NKAIN3: variants seen among roughly 807,000 people sequenced by gnomAD.
NKAIN3 encodes sodium/potassium-transporting ATPase subunit beta-1-interacting protein 3.
In NKAIN3, 25 loss-of-function variants were observed where a neutral mutation model predicts 30.2. The observed-to-expected ratio is 0.83, with a 90% CI of 0.60 to 1.16. The LOEUF (loss-of-function observed/expected upper bound fraction) is 1.16. Among genes scored for constraint, NKAIN3 ranks in the 50% most tolerant of loss-of-function variants. The probability of loss-of-function intolerance (pLI) is 0.00; values close to 1 mark genes in which losing one functional copy is unlikely to be tolerated. For missense variants in NKAIN3, 225 were observed against 254.1 expected (o/e 0.89, Z 0.78); for synonymous variants, 91 against 89.6 (o/e 1.02, Z -0.09).
chr8:62,412,761 A>C (rs1804285770), intron 1 of NKAIN3, among the ~76,000 whole-genome samples: 1 of 151,560 alleles, frequency 6.6e-6, no homozygotes, highest in East Asian at 2.0e-4. Flanking sequence ...AAAATACAAA[A>C]ATTAGCCGAG....
intron 3 of NKAIN3, among the ~76,000 whole-genome samples, chr8:62,602,475 G>T (rs1354127574): frequency 6.6e-6 from 1 of 151,916 alleles, no homozygotes; most frequent in African/African-American, 2.4e-5. Flanking sequence ...TTATTTCTTT[G>T]AATAAACTGC....
intron 4 of NKAIN3, among the ~76,000 whole-genome samples, chr8:62,834,983 G>C (rs1819314515): frequency 6.6e-6 from 1 of 151,772 alleles, no homozygotes; most frequent in African/African-American, 2.4e-5. Flanking sequence ...AAAACAGACA[G>C]ACCAATGGAA....
intron 4 of NKAIN3, chr8:62,856,734 T>C: frequency 1.4e-6 from 1 of 695,144 alleles, no homozygotes; most frequent in Non-Finnish European, 2.6e-6. Context: ...CTTAAACTGG[T>C]CAAGCTCTAG....
intron 3 of NKAIN3, among the ~76,000 whole-genome samples, chr8:62,738,843 C>T (rs1815765008): frequency 6.6e-6 from 1 of 151,912 alleles, no homozygotes; most frequent in Non-Finnish European, 1.5e-5. Flanking sequence ...TAATTAGATC[C>T]CATTTGTCAA....
intron 4 of NKAIN3, among the ~76,000 whole-genome samples, chr8:62,903,109 A>C (rs780900460): frequency 6.6e-6 from 1 of 152,218 alleles, no homozygotes; most frequent in Non-Finnish European, 1.5e-5. Context: ...ACATAAGGGC[A>C]GTAAATCCCC....
rs1309470017 is a variant in NKAIN3 at position 62,412,822 on chromosome 8, G to A, written c.54+163695G>A. ...AGCTACTCGGGAGGCTGAGGTAGGA[G>A]AATCGCTTGAACCCAGGAGGTGAAG... On this transcript the variant is annotated intron_variant, in intron 1 of 6. Coordinates refer to ENST00000623646, the MANE Select transcript of NKAIN3 (RefSeq NM_001304533.3). 5.4e-5 allele frequency among the ~76,000 whole-genome samples: 8 copies of A among 147,060 alleles called. No homozygotes were observed. The Admixed American group carries it at 5.6e-4, about 10-fold the overall frequency.
At chr8:62,930,882 T>C (rs1822599001) in intron 5 of NKAIN3, among the ~76,000 whole-genome samples, 1 of 152,054 alleles carries the variant, frequency 6.6e-6, no homozygotes, top group Non-Finnish European at 1.5e-5. Flanking sequence ...TTTGTTTTTG[T>C]ATTTTTAGTA....
chr8:62,690,944 A>T (rs1563517999), intron 3 of NKAIN3, among the ~76,000 whole-genome samples: 1 of 152,142 alleles, frequency 6.6e-6, no homozygotes, highest in Non-Finnish European at 1.5e-5. Context: ...GATACTTTAG[A>T]TCCTGAGCAG....
At chr8:62,803,372 C>T (rs578257884) in intron 4 of NKAIN3, among the ~76,000 whole-genome samples, 9 of 152,208 alleles carry the variant, frequency 5.9e-5, no homozygotes, top group Middle Eastern at 3.4e-3. Context: ...AAGTAAAGCT[C>T]TCCTCAGCAA....
At chr8:62,516,135 G>A (rs946110636) in intron 1 of NKAIN3, among the ~76,000 whole-genome samples, 1 of 152,040 alleles carries the variant, frequency 6.6e-6, no homozygotes, top group Non-Finnish European at 1.5e-5. Flanking sequence ...ACATTTAGAT[G>A]TATGGTTTGT....
chr8:62,604,688 C>G (rs1264739038), intron 3 of NKAIN3, among the ~76,000 whole-genome samples: 1 of 152,028 alleles, frequency 6.6e-6, no homozygotes, highest in Non-Finnish European at 1.5e-5. Flanking sequence ...GCATACATTT[C>G]TAGGATTAGA....
intron 4 of NKAIN3, among the ~76,000 whole-genome samples, chr8:62,762,401 A>C (rs1816696207): frequency 6.6e-6 from 1 of 152,196 alleles, no homozygotes; most frequent in Non-Finnish European, 1.5e-5. Context: ...GAATATTCCA[A>C]GGGAAACAAA....
intron 4 of NKAIN3, among the ~76,000 whole-genome samples, chr8:62,883,462 T>TTTTTTTG (rs1256775534): frequency 5.5e-5 from 8 of 144,456 alleles, no homozygotes; most frequent in Non-Finnish European, 1.2e-4. Context: ...TATGGGTTTT[T>TTTTTTTG]TTTTTTTTTT....
rs572258885 is a variant in NKAIN3, at chr8:62,613,522, G to T, written c.273+23728G>T. ...TAGTCTTCTCTGGATAAATCTGCTT[G>T]GTATTCTGTAACCTTGTACTTGGAT... On this transcript the variant is annotated intron_variant, in intron 3 of 6. Coordinates refer to ENST00000623646, the MANE Select transcript of NKAIN3 (RefSeq NM_001304533.3). 2.6e-5 allele frequency among the ~76,000 whole-genome samples: 4 copies of T among 152,024 alleles called. No homozygotes were observed. In the South Asian group the frequency reaches 8.3e-4, roughly 32 times the overall value.
At chr8:62,788,549 T>C (rs1368075016) in intron 4 of NKAIN3, among the ~76,000 whole-genome samples, 1 of 152,220 alleles carries the variant, frequency 6.6e-6, no homozygotes, top group Non-Finnish European at 1.5e-5. Context: ...TTAGATTCCG[T>C]TTGTCAATTT....
intron 4 of NKAIN3, among the ~76,000 whole-genome samples, chr8:62,767,171 G>C (rs566377146): frequency 6.6e-6 from 1 of 152,118 alleles, no homozygotes; most frequent in African/African-American, 2.4e-5. Context: ...GGATGGAGCT[G>C]ACCCCACTAT....
chr8:62,404,384 A>G (rs1411382786), intron 1 of NKAIN3, among the ~76,000 whole-genome samples: 5 of 152,146 alleles, frequency 3.3e-5, no homozygotes, highest in African/African-American at 1.2e-4. Flanking sequence ...CTCCACCCAA[A>G]GCTCGTCTTG....
chr8:62,803,907 C>T (rs74839626), intron 4 of NKAIN3, among the ~76,000 whole-genome samples: 29,967 of 151,754 alleles, frequency 0.2, 3,397 homozygotes, highest in African/African-American at 0.3. Flanking sequence ...ATCAAATAGA[C>T]GCAATAAAAA....
chr8:62,282,927 T>A (rs1326365296), intron 1 of NKAIN3, among the ~76,000 whole-genome samples: 2 of 152,124 alleles, frequency 1.3e-5, no homozygotes, highest in East Asian at 3.9e-4. Context: ...AGATGCGCAT[T>A]ATAGTCCACA....
Sources: allele counts gnomAD v4.1 joint callset (sites outside exome capture counted in the v4.1 genomes callset), GRCh38; gene constraint gnomAD v4.1.1; transcripts MANE v1.5; gene names NCBI Gene and HGNC (gene_info 2026-07-23, HGNC 2026-07-21).